WIPI1: variants seen among roughly 807,000 people sequenced by gnomAD.
The protein encoded by WIPI1 is WD repeat domain phosphoinositide-interacting protein 1.
WIPI1 carries 45 observed loss-of-function variants against 55.3 expected under a neutral mutation model. The observed-to-expected ratio is 0.81, with a 90% confidence interval of 0.64 to 1.04. The LOEUF is 1.04. WIPI1 is among the 50% of genes least tolerant of loss of function. The probability of loss-of-function intolerance (pLI) is 0.00; values close to 1 mark genes in which losing one functional copy is unlikely to be tolerated. For synonymous variants in WIPI1, 195 were observed against 217.6 expected, an observed-to-expected ratio of 0.90 and a Z score of 0.92; for missense variants, 445 against 559.0, an observed-to-expected ratio of 0.80 and a Z score of 2.06.
intron 3 of WIPI1, among the ~76,000 whole-genome samples, chr17:68,446,063 G>A (rs1183143800): frequency 2.0e-5 from 3 of 152,184 alleles, no homozygotes; most frequent in Non-Finnish European, 4.4e-5. Flanking sequence ...CACAAAAGAG[G>A]CAGGCTCTGC....
At chr17:68,455,154 G>GAT (rs2084614826) in intron 1 of WIPI1, among the ~76,000 whole-genome samples, 1 of 152,082 alleles carries the variant, frequency 6.6e-6, no homozygotes, top group Non-Finnish European at 1.5e-5. Flanking sequence ...TTGAGGTCAG[G>GAT]AGTTCAAGAC....
At chr17:68,450,964 G>A in intron 2 of WIPI1, 67 bp from the exon 3 acceptor site, 1 of 1,548,452 alleles carries the variant, frequency 6.5e-7, no homozygotes, top group Non-Finnish European at 8.7e-7. Context: ...CAGCCTCCAT[G>A]ACACTGGGCC....
chr17:68,427,724 T>C (rs975609916), intron 10 of WIPI1, among the ~76,000 whole-genome samples: 6 of 152,144 alleles, frequency 3.9e-5, no homozygotes, highest in Admixed American at 2.0e-4. Flanking sequence ...TTCTCTTACA[T>C]TGGCTAGACA....
At chr17:68,426,251 G>GGGGGA in intron 11 of WIPI1, 76 bp from the exon 12 acceptor site, 1 of 825,460 alleles carries the variant, frequency 1.2e-6, no homozygotes, top group Non-Finnish European at 1.9e-6. Context: ...GTGGGGAGCG[G>GGGGGA]GGGCTCAAAT....
chr17:68,435,720 T>C lies in WIPI1; in HGVS notation c.529-8A>G. The C allele has an allele frequency of 6.2e-7, 1 of 1,614,002 alleles. No homozygotes were observed. Among genetic ancestry groups the C allele is most frequent in the Non-Finnish European group, 8.5e-7 (1 of 1,179,862 alleles). On this transcript the variant is annotated splice_region_variant and splice_polypyrimidine_tract_variant and intron_variant, in intron 5 of 12. Transcript: ENST00000262139. ...AATAGTGCAGACTGTTTTCTGTTGG[T>C]GAAAAGGAAAAATGGATACAGATGC... is the stretch of plus-strand genomic sequence containing the variant.
intron 7 of WIPI1, 46 bp from the exon 8 acceptor site, chr17:68,433,621 G>A (rs747973174): frequency 3.3e-6 from 5 of 1,498,372 alleles, no homozygotes; most frequent in Non-Finnish European, 4.6e-6. Flanking sequence ...AGAAATGGGA[G>A]TTATGGCCTT....
chr17:68,434,665 TG>T, intron 6 of WIPI1, 39 bp from the exon 7 acceptor site: 1 of 1,607,556 alleles, frequency 6.2e-7, no homozygotes, highest in Non-Finnish European at 8.5e-7. Flanking sequence ...TAACCATTAG[TG>T]GCTTTACACA....
intron 7 of WIPI1, among the ~76,000 whole-genome samples, 196 bp from the exon 8 acceptor site, chr17:68,433,771 T>TGTTTGTTTG (rs1399188195): frequency 3.1e-3 from 67 of 21,380 alleles, no homozygotes; most frequent in African/African-American, 6.8e-3. Context: ...TTTTTTTTTT[T>TGTTTGTTTG]TTTTTTTTTT....
Position 68,434,533 on chromosome 17 carries a change from T to C in WIPI1, c.692+23A>G, listed in dbSNP as rs374144012. On this transcript the variant is annotated intron_variant, in intron 7 of 12. Coordinates refer to ENST00000262139, the MANE Select transcript of WIPI1 (RefSeq NM_017983.7). ...CGGGACTTCTGCGGGGACTTTAAAA[T>C]GGGTTTGACATTGAACACAGACCTT... 3.5e-5 allele frequency: 56 copies of C among 1,612,954 alleles called. No individual in the cohort carries two copies. The African/African-American group carries it at 5.6e-4, about 16-fold the overall frequency.
At chr17:68,424,584 C>T (rs748613388) in intron 12 of WIPI1, 3 of 502,058 alleles carry the variant, frequency 6.0e-6, no homozygotes, top group Non-Finnish European at 1.2e-5. Flanking sequence ...TTGGCCCAAA[C>T]ACTACTTCCG....
chr17:68,421,455 G>C lies in WIPI1; in HGVS notation c.*318C>G. The C allele has an allele frequency of 2.9e-6, 1 of 346,094 alleles. No homozygotes were observed. Among genetic ancestry groups the C allele is most frequent in the Non-Finnish European group, 5.4e-6 (1 of 183,686 alleles). The allele number at this position is 346,094 out of a possible 1,614,324, so 21.4% of individuals were successfully genotyped here. A position where few individuals can be genotyped will look rare whatever the true frequency, so the allele number is the denominator to read the frequency against. Reference sequence around the variant, plus strand: ...TTCCTATAAGTACATTTTTTACACGGCATATATTTAAAAAGGAGGCCCCTT... The same window carrying C: ...TTCCTATAAGTACATTTTTTACACGCCATATATTTAAAAAGGAGGCCCCTT... On this transcript the variant is annotated 3_prime_UTR_variant, in exon 13 of 13. Transcript: ENST00000262139.
chr17:68,430,405 C>T (rs1323703522), intron 8 of WIPI1, among the ~76,000 whole-genome samples: 1 of 152,222 alleles, frequency 6.6e-6, no homozygotes, highest in Non-Finnish European at 1.5e-5. Flanking sequence ...CCCAATGCTA[C>T]TGCTTTCCCC....
chr17:68,435,788 T>C, intron 5 of WIPI1, 76 bp from the exon 6 acceptor site: 1 of 1,346,742 alleles, frequency 7.4e-7, no homozygotes, highest in Non-Finnish European at 1.1e-6. Context: ...CCCCTTCCTC[T>C]TTTCTCCTTT....
intron 12 of WIPI1, among the ~76,000 whole-genome samples, chr17:68,424,217 T>C (rs1309003753): frequency 2.0e-5 from 3 of 152,188 alleles, no homozygotes; most frequent in Non-Finnish European, 4.4e-5. Flanking sequence ...GCCACTGAGA[T>C]ATAAACTTCA....
intron 3 of WIPI1, among the ~76,000 whole-genome samples, chr17:68,450,382 G>A (rs973806399): frequency 2.0e-5 from 3 of 152,142 alleles, no homozygotes; most frequent in African/African-American, 7.2e-5. Context: ...CAGAAGAGTC[G>A]CTCCTCTGAT....
intron 10 of WIPI1, 110 bp downstream of exon 10, chr17:68,428,719 A>T: frequency 1.2e-6 from 1 of 812,246 alleles, no homozygotes; most frequent in Non-Finnish European, 2.0e-6. Flanking sequence ...TGAGACTGCC[A>T]GTGAAGAACA....
In WIPI1 at chr17:68,424,000, C is replaced by T. The variant is rs1568616930; in HGVS notation, c.1293+2075G>A. Among the ~76,000 whole-genome samples, 1 of 152,114 alleles carries T rather than the reference C, an allele frequency of 6.6e-6. No homozygotes were observed. Among genetic ancestry groups the T allele is most frequent in the Non-Finnish European group, 1.5e-5 (1 of 68,020 alleles). Reference sequence around the variant, plus strand: ...AGAGTAGAATGGTCACATTTGTCCCCACGGTGTCTGACCTAGAGTGCTCTG... The same window carrying T: ...AGAGTAGAATGGTCACATTTGTCCCTACGGTGTCTGACCTAGAGTGCTCTG... On this transcript the variant is annotated intron_variant, in intron 12 of 12. Coordinates refer to ENST00000262139, the MANE Select transcript of WIPI1 (RefSeq NM_017983.7). This position sits in a 1 kb window ranked among gnomAD's most constrained non-coding sequence, Gnocchi z 4.4.
rs1215143073 is a variant in WIPI1, at chr17:68,433,522, G to A, written c.746C>T (p.Ala249Val). ...GTGTACCGTCTCGGTGTTACTGGAG[G>A]CGCAGAGGAATTGTGAATCCATACT... ...VFSMDSQFLC[A>V]SSNTETVHIF... Residue 249 changes from alanine to valine, a missense_variant, in exon 8 of 13, where the codon GCC (alanine) becomes GTC (valine). Physicochemically the swap from Ala to Val is moderately conservative, Grantham distance 64. Coordinates refer to ENST00000262139, the MANE Select transcript of WIPI1 (RefSeq NM_017983.7). The A allele has an allele frequency of 6.2e-7, 1 of 1,613,948 alleles. No individual in the cohort carries two copies. Among genetic ancestry groups the A allele is most frequent in the South Asian group, 1.1e-5 (1 of 91,064 alleles).
intron 9 of WIPI1, among the ~76,000 whole-genome samples, chr17:68,429,749 C>T (rs1469093350): frequency 2.6e-5 from 4 of 152,036 alleles, no homozygotes; most frequent in Non-Finnish European, 2.9e-5. Flanking sequence ...CCACCATACC[C>T]GGCTAATTTT....
Sources: allele counts gnomAD v4.1 joint callset (sites outside exome capture counted in the v4.1 genomes callset), GRCh38; gene constraint gnomAD v4.1.1; non-coding constraint Gnocchi (gnomAD v3.1); transcripts MANE v1.5; gene names NCBI Gene and HGNC (gene_info 2026-07-23, HGNC 2026-07-21).